Variants in GRM7 observed in about 807,000 individuals in gnomAD.
GRM7 encodes glutamate metabotropic receptor 7.
GRM7 carries 35 observed loss-of-function variants against 84.5 expected under a neutral mutation model. The ratio of observed to expected loss-of-function variants is 0.41; its 90% CI spans 0.32 to 0.55. GRM7 has a LOEUF of 0.55. GRM7 is among the 20% of genes least tolerant of loss of function. The pLI is 0.19. For synonymous variants in GRM7, 487 were observed against 455.1 expected (o/e 1.07, Z -0.89); for missense variants, 1,003 against 1,194.6 (o/e 0.84, Z 2.36).
At chr3:7,579,693 AT>A (rs1426008807) in intron 8 of GRM7, among the ~76,000 whole-genome samples, 1 of 152,180 alleles carries the variant, frequency 6.6e-6, no homozygotes, top group African/African-American at 2.4e-5. Flanking sequence ...TTACCCACAT[AT>A]TTTTTGGGGG....
intron 4 of GRM7, among the ~76,000 whole-genome samples, chr3:7,332,584 AT>A (rs1245764552): frequency 6.6e-6 from 1 of 152,178 alleles, no homozygotes; most frequent in Non-Finnish European, 1.5e-5. Flanking sequence ...AGTTAAAGAC[AT>A]GTTTCTCTAA....
At chr3:7,296,775 A>G (rs948347130) in intron 2 of GRM7, among the ~76,000 whole-genome samples, 13 of 151,464 alleles carry the variant, frequency 8.6e-5, no homozygotes, top group African/African-American at 2.9e-4. Flanking sequence ...CTCAGTCTAC[A>G]TTTCATATAT....
At chr3:7,091,797 A>C (rs1370742837) in intron 1 of GRM7, among the ~76,000 whole-genome samples, 1 of 150,618 alleles carries the variant, frequency 6.6e-6, no homozygotes, top group African/African-American at 2.5e-5. Context: ...TAATTTTAGA[A>C]ACCCTGAATT....
intron 1 of GRM7, among the ~76,000 whole-genome samples, chr3:7,143,090 C>A (rs1412946687): frequency 6.6e-6 from 1 of 151,988 alleles, no homozygotes; most frequent in African/African-American, 2.4e-5. Flanking sequence ...AGAAGACTGG[C>A]AAGAGAGAAA....
At chr3:7,655,007 C>T (rs1159426895) in intron 8 of GRM7, among the ~76,000 whole-genome samples, 1 of 152,150 alleles carries the variant, frequency 6.6e-6, no homozygotes, top group Non-Finnish European at 1.5e-5. Flanking sequence ...TTAACGGTGT[C>T]CTCAATTGTC....
At chr3:7,057,728 G>A (rs183539483) in intron 1 of GRM7, among the ~76,000 whole-genome samples, 1 of 152,018 alleles carries the variant, frequency 6.6e-6, no homozygotes, top group African/African-American at 2.4e-5. Flanking sequence ...AGAAATGGAG[G>A]CTCAATGTTT....
chr3:7,698,339 A>G (rs1262649173), intron 9 of GRM7, among the ~76,000 whole-genome samples: 1 of 152,240 alleles, frequency 6.6e-6, no homozygotes, highest in Non-Finnish European at 1.5e-5. Context: ...CCCATGCACC[A>G]GCCACTATTC....
intron 2 of GRM7, among the ~76,000 whole-genome samples, chr3:7,161,103 G>A (rs1694609040): frequency 6.6e-6 from 1 of 151,994 alleles, no homozygotes; most frequent in South Asian, 2.1e-4. Flanking sequence ...CTTCCCCTGA[G>A]CTAAGAACCA....
chr3:7,201,134 T>C (rs1235599810), intron 2 of GRM7, among the ~76,000 whole-genome samples: 1 of 151,922 alleles, frequency 6.6e-6, no homozygotes, highest in African/African-American at 2.4e-5. Flanking sequence ...CACGCCCGGC[T>C]AATTTTTTGT....
In GRM7 at chr3:7,103,767, T is replaced by TC. The variant is rs144024177; in HGVS notation, c.520-42685_520-42684insC. On this transcript the variant is annotated intron_variant, in intron 1 of 9. Transcript: ENST00000357716. ...CTCTCTCCCTTTCTTTCTTTCTTTC[T>TC]TTCTTTCTTTCTTTCTTTCTTTCTT... Among the ~76,000 whole-genome samples, 6 of 62,712 alleles carry TC rather than the reference T, an allele frequency of 9.6e-5. No homozygotes were observed. The African/African-American group carries it at 1.3e-3, about 13-fold the overall frequency. The allele number at this position is 62,712 out of a possible 152,430, so 41.1% of individuals were successfully genotyped here. A position where few individuals can be genotyped will look rare whatever the true frequency, so the allele number is the denominator to read the frequency against.
chr3:6,905,036 T>G (rs573030257), intron 1 of GRM7, among the ~76,000 whole-genome samples: 1 of 152,140 alleles, frequency 6.6e-6, no homozygotes, highest in East Asian at 1.9e-4. Flanking sequence ...TATCTTAATA[T>G]CCGGCAGGGC....
rs1480099347 is a variant in GRM7 at position 7,187,162 on chromosome 3, C to T, written c.736+40494C>T. Among the ~76,000 whole-genome samples the T allele has an allele frequency of 2.0e-5, 3 of 151,814 alleles. No individual in the cohort carries two copies. In the East Asian group the frequency reaches 5.8e-4, roughly 29 times the overall value. On this transcript the variant is annotated intron_variant, in intron 2 of 9. Transcript: ENST00000357716. ...TTTTCAGATCTTCATCAATTAAATGCTTTTCTGAAATATGCCCATGCTACT... is the reference window on the plus strand; with the variant it reads ...TTTTCAGATCTTCATCAATTAAATGTTTTTCTGAAATATGCCCATGCTACT...
At chr3:7,218,685 G>A (rs1490424231) in intron 2 of GRM7, among the ~76,000 whole-genome samples, 1 of 151,906 alleles carries the variant, frequency 6.6e-6, no homozygotes, top group Admixed American at 6.5e-5. Flanking sequence ...ATGTTTATTA[G>A]CTACTTGACT....
chr3:7,685,203 G>C (rs1265701100), intron 9 of GRM7, among the ~76,000 whole-genome samples: 3 of 152,228 alleles, frequency 2.0e-5, no homozygotes, highest in African/African-American at 7.2e-5. Context: ...TATTGGGATG[G>C]GCGGATAAGA....
At chr3:7,159,892 A>G (rs1338451621) in intron 2 of GRM7, among the ~76,000 whole-genome samples, 3 of 152,160 alleles carry the variant, frequency 2.0e-5, no homozygotes, top group African/African-American at 7.2e-5. Context: ...TTATTTATTT[A>G]AAGTGCTTAA....
rs1233425305 is a variant in GRM7 at position 7,059,847 on chromosome 3, A to G, written c.520-86605A>G. Among the ~76,000 whole-genome samples, 4 of 151,828 alleles carry G rather than the reference A, an allele frequency of 2.6e-5. No individual in the cohort carries two copies. The East Asian group carries it at 7.8e-4, about 30-fold the overall frequency. On this transcript the variant is annotated intron_variant, in intron 1 of 9. Transcript: ENST00000357716. ...ACCAAAACATTGGTCTTCTCCAGAC[A>G]CAGAATCTGCTAGTTCTTTCATCTT...
intron 2 of GRM7, among the ~76,000 whole-genome samples, chr3:7,189,982 A>G (rs967113242): frequency 2.6e-4 from 40 of 152,272 alleles, no homozygotes; most frequent in African/African-American, 9.4e-4. Flanking sequence ...AAACAGACCC[A>G]CACAGAGAAG....
chr3:7,663,386 G>T (rs562502665), intron 8 of GRM7, among the ~76,000 whole-genome samples: 3 of 152,170 alleles, frequency 2.0e-5, no homozygotes, highest in Non-Finnish European at 4.4e-5. Flanking sequence ...GGGCATAAAC[G>T]TAAGCAAGCT....
intron 2 of GRM7, among the ~76,000 whole-genome samples, chr3:7,284,233 C>T (rs1016126992): frequency 6.6e-6 from 1 of 151,698 alleles, no homozygotes; most frequent in Non-Finnish European, 1.5e-5. Context: ...TACCAAAGTA[C>T]CAGAGTGTTT....
Sources: allele counts gnomAD v4.1 joint callset (sites outside exome capture counted in the v4.1 genomes callset), GRCh38; gene constraint gnomAD v4.1.1; transcripts MANE v1.5; gene names NCBI Gene and HGNC (gene_info 2026-07-23, HGNC 2026-07-21).